Variants in CCNT2 observed in about 807,000 individuals in gnomAD.
CCNT2 encodes cyclin T2, also known as cyclin-T2.
Under a neutral mutation model 70.0 loss-of-function variants are expected in CCNT2, and 18 were observed. The ratio of observed to expected loss-of-function variants is 0.26; its 90% CI spans 0.18 to 0.38. The LOEUF (loss-of-function observed/expected upper bound fraction) is 0.38, where lower values mean the gene tolerates loss of function less well. CCNT2 is among the 10% of genes least tolerant of loss of function. The probability of loss-of-function intolerance (pLI) is 1.00; values close to 1 mark genes in which losing one functional copy is unlikely to be tolerated. For missense variants in CCNT2, 734 were observed against 890.2 expected (o/e 0.82, Z 2.23); for synonymous variants, 334 against 313.3 (o/e 1.07, Z -0.70).
At chr2:134,945,143 C>CA in intron 5 of CCNT2, 1 of 985,440 alleles carries the variant, frequency 1.0e-6, no homozygotes. Context: ...TGCTAAACCC[C>CA]AATCCCTTTT....
intron 7 of CCNT2, 37 bp downstream of exon 7, chr2:134,947,936 T>C: frequency 7.9e-7 from 1 of 1,267,940 alleles, no homozygotes; most frequent in South Asian, 2.0e-5. Flanking sequence ...TTTGGAATTA[T>C]CTAAGTTGGC....
At chr2:134,932,176 G>C (rs949986546) in intron 2 of CCNT2, among the ~76,000 whole-genome samples, 1 of 129,910 alleles carries the variant, frequency 7.7e-6, no homozygotes, top group Non-Finnish European at 1.6e-5. Flanking sequence ...AGTAGAGACG[G>C]GGTTTCACCA....
intron 2 of CCNT2, among the ~76,000 whole-genome samples, chr2:134,922,518 C>T (rs909620705): frequency 3.3e-5 from 5 of 152,152 alleles, no homozygotes; most frequent in African/African-American, 1.2e-4. Context: ...AGTTGAATAG[C>T]TGTCAGCAGT....
At position 134,953,827 on chromosome 2, in the gene CCNT2, G is replaced by A. The variant is rs754397222; in HGVS notation, c.1372G>A (p.Ala458Thr). 3.1e-6 allele frequency: 5 copies of A among 1,613,932 alleles called. No individual in the cohort carries two copies. Among genetic ancestry groups the A allele is most frequent in the Admixed American group, 1.7e-5 (1 of 59,994 alleles). ...TCTCGATGTAAGGGATCATTATATA[G>A]CTGCCCAGGTAGAACAGCAGCACAA... ...LDLDVRDHYI[A>T]AQVEQQHKQG... Residue 458 changes from alanine (A) to threonine (T), a missense_variant, in exon 9 of 9, where the codon GCT becomes ACT. Ala to Thr is a moderately conservative substitution (Grantham distance 58). Coordinates refer to ENST00000264157, the MANE Select transcript of CCNT2 (RefSeq NM_058241.3).
chr2:134,944,909 G>A (rs180757865), intron 5 of CCNT2: 8 of 984,830 alleles, frequency 8.1e-6, no homozygotes, highest in Middle Eastern at 5.2e-4. Context: ...CCTTCTCTAC[G>A]TATTTTTATT....
At chr2:134,925,092 T>A (rs1003953329) in intron 2 of CCNT2, among the ~76,000 whole-genome samples, 2 of 152,222 alleles carry the variant, frequency 1.3e-5, no homozygotes, top group Non-Finnish European at 2.9e-5. Context: ...TAGATGGTGT[T>A]AATGTTCTTT....
intron 4 of CCNT2, among the ~76,000 whole-genome samples, chr2:134,940,625 C>G (rs1219973355): frequency 6.6e-6 from 1 of 152,136 alleles, no homozygotes; most frequent in Non-Finnish European, 1.5e-5. Flanking sequence ...GCAGTGAGCT[C>G]ACATGTTATG....
At chr2:134,945,357 T>G in intron 5 of CCNT2, 1 of 985,422 alleles carries the variant, frequency 1.0e-6, no homozygotes, top group Non-Finnish European at 1.2e-6. Flanking sequence ...AGAGCATCCC[T>G]GTTGGGAAGA....
At chr2:134,932,281 A>G (rs192228626) in intron 2 of CCNT2, among the ~76,000 whole-genome samples, 346 of 152,302 alleles carry the variant, frequency 2.3e-3, no homozygotes, top group Admixed American at 5.9e-3. Context: ...GATTACAGGC[A>G]TGAGCCACCA....
In CCNT2 at chr2:134,941,728, T is replaced by C. The variant is rs528710753; in HGVS notation, c.431-884T>C. Among the ~76,000 whole-genome samples the C allele has an allele frequency of 2.6e-4, 39 of 152,330 alleles. No individual in the cohort carries two copies. The South Asian group carries it at 8.1e-3, about 32-fold the overall frequency. On this transcript the variant is annotated intron_variant, in intron 4 of 8. Transcript: ENST00000264157. ...TCATAAATCATTATAAAATATTTAG[T>C]TGTTATATAAAATCGTAATGTAATA...
Position 134,946,102 on chromosome 2 carries a change from A to C in CCNT2, c.495A>C (p.Ala165=). 1 of 1,610,680 alleles carries C rather than the reference A, an allele frequency of 6.2e-7. No individual in the cohort carries two copies. Among genetic ancestry groups the C allele is most frequent in the Non-Finnish European group, 8.5e-7 (1 of 1,179,482 alleles). The change falls in exon 6 of 9, where the codon GCA becomes GCC. Residue 165 remains alanine (A), a splice_region_variant and synonymous_variant. Transcript: ENST00000264157. ...DVVKCTQLVR[A]SKDLAQTSYF... is the part of the protein sequence containing the mutation. The stretch of plus-strand genomic sequence containing the variant: ...TTCGTTTTTTTTTTTTTCTTACAGC[A>C]AGCAAGGATTTGGCACAGACATCCT...
At chr2:134,939,196 G>A in intron 4 of CCNT2, 134 bp downstream of exon 4, 1 of 618,056 alleles carries the variant, frequency 1.6e-6, no homozygotes, top group East Asian at 2.9e-5. Flanking sequence ...GAATAAGGTT[G>A]CCTGGTTATA....
intron 3 of CCNT2, among the ~76,000 whole-genome samples, chr2:134,938,274 T>C (rs937215929): frequency 6.6e-6 from 1 of 152,234 alleles, no homozygotes; most frequent in Non-Finnish European, 1.5e-5. Flanking sequence ...GTACTTTTAC[T>C]CTCTGGCTTT....
At chr2:134,926,215 G>A (rs940131804) in intron 2 of CCNT2, among the ~76,000 whole-genome samples, 1 of 152,078 alleles carries the variant, frequency 6.6e-6, no homozygotes, top group Non-Finnish European at 1.5e-5. Context: ...TGTGTGAACT[G>A]AATACTCTTC....
chr2:134,947,494 A>G (rs1214185109), intron 6 of CCNT2, among the ~76,000 whole-genome samples: 1 of 152,150 alleles, frequency 6.6e-6, no homozygotes, highest in African/African-American at 2.4e-5. Context: ...TAAAAACAAA[A>G]TTTTAAATAT....
chr2:134,945,026 A>AT (rs936834719), intron 5 of CCNT2: 1 of 985,234 alleles, frequency 1.0e-6, no homozygotes, highest in African/African-American at 1.7e-5. Flanking sequence ...GGCTAATGTC[A>AT]TTTTACAGGG....
At chr2:134,948,694 A>T (rs1441577531) in intron 7 of CCNT2, among the ~76,000 whole-genome samples, 3 of 151,296 alleles carry the variant, frequency 2.0e-5, no homozygotes, top group Non-Finnish European at 4.4e-5. Flanking sequence ...CACGTACTGT[A>T]GATTTCAGCA....
chr2:134,931,262 C>CTATTTTTTTTTTTTTTTTTTTTTTTTT (rs1680737036), intron 2 of CCNT2, among the ~76,000 whole-genome samples: 1 of 42,418 alleles, frequency 2.4e-5, no homozygotes, highest in African/African-American at 7.9e-5. Flanking sequence ...ATGCCCGGAT[C>CTATTTTTTTTTTTTTTTTTTTTTTTTT]TTTTTTTTTT....
chr2:134,946,351 G>T (rs149994804), intron 6 of CCNT2: 1 of 1,214,110 alleles, frequency 8.2e-7, no homozygotes, highest in East Asian at 2.7e-5. Context: ...AAGTGTAGTG[G>T]TGCTTTCTGA....
Sources: gnomAD v4.1 joint callset for allele counts (sites outside exome capture counted in the v4.1 genomes callset) on GRCh38, gnomAD v4.1.1 for gene constraint, MANE v1.5 for transcripts, NCBI Gene and HGNC (gene_info 2026-07-23, HGNC 2026-07-21) for gene names.